Variants in MAGI1 observed in about 807,000 individuals in gnomAD.
The protein encoded by MAGI1 is membrane-associated guanylate kinase, WW and PDZ domain-containing protein 1.
In MAGI1, 58 loss-of-function variants were observed where a neutral mutation model predicts 139.9. The observed-to-expected ratio is 0.41, with a 90% CI of 0.34 to 0.52. The LOEUF (loss-of-function observed/expected upper bound fraction) is 0.52, where lower values mean the gene tolerates loss of function less well. MAGI1 is among the 20% of genes least tolerant of loss of function. The pLI, the probability that MAGI1 is intolerant of heterozygous loss-of-function variation, is 0.12. For synonymous variants in MAGI1, 812 were observed against 737.9 expected (o/e 1.10, Z -1.63); for missense variants, 1,874 against 1,901.6 (o/e 0.99, Z 0.27).
chr3:65,984,341 A>G (rs555502570), intron 1 of MAGI1, among the ~76,000 whole-genome samples: 1 of 152,262 alleles, frequency 6.6e-6, no homozygotes, highest in African/African-American at 2.4e-5. Flanking sequence ...GGTGGTTAGT[A>G]GAAAGATGCG....
intron 6 of MAGI1, among the ~76,000 whole-genome samples, chr3:65,451,954 T>C (rs1044714007): frequency 6.6e-6 from 1 of 152,128 alleles, no homozygotes. Flanking sequence ...CTGGCCAGTT[T>C]TGGAGCATTT....
intron 1 of MAGI1, among the ~76,000 whole-genome samples, chr3:65,878,453 T>A (rs1488198436): frequency 6.7e-6 from 1 of 150,324 alleles, no homozygotes; most frequent in African/African-American, 2.5e-5. Flanking sequence ...GAAGCAGAGG[T>A]TGCAGTGAGC....
intron 2 of MAGI1, chr3:65,549,600 G>T: frequency 2.4e-6 from 1 of 422,796 alleles, no homozygotes; most frequent in Non-Finnish European, 3.2e-6. Context: ...GTCAATGCGC[G>T]CTATTCACAC....
In MAGI1 at chr3:65,975,815, G is replaced by A. The variant is rs537783373; in HGVS notation, c.313+62181C>T. ...GACTCTCTCAAGCTCTTCTCTGACC[G>A]TATCAAGCCTGAGTATCCTTATTTT... On this transcript the variant is annotated intron_variant, in intron 1 of 22. Transcript: ENST00000402939. 3.9e-5 allele frequency among the ~76,000 whole-genome samples: 6 copies of A among 152,216 alleles called. No homozygotes were observed. The South Asian group carries it at 1.0e-3, about 26-fold the overall frequency.
At chr3:65,512,963 C>G (rs1206329272) in intron 2 of MAGI1, among the ~76,000 whole-genome samples, 34 of 136,774 alleles carry the variant, frequency 2.5e-4, no homozygotes, top group African/African-American at 9.3e-4. Flanking sequence ...CCACCATGAT[C>G]AAGTGGGCTT....
chr3:65,730,024 A>G (rs1296671424), intron 1 of MAGI1, among the ~76,000 whole-genome samples: 13 of 152,206 alleles, frequency 8.5e-5, no homozygotes, highest in Admixed American at 8.5e-4. Context: ...ACACATACCA[A>G]GAGTCTAATT....
At chr3:65,535,526 T>G (rs949185714) in intron 2 of MAGI1, among the ~76,000 whole-genome samples, 5 of 152,194 alleles carry the variant, frequency 3.3e-5, no homozygotes, top group Admixed American at 2.6e-4. Context: ...AAGGACTCAG[T>G]GAATTTCTGT....
At chr3:65,431,101 G>C (rs1228689080) in intron 10 of MAGI1, among the ~76,000 whole-genome samples, 1 of 152,066 alleles carries the variant, frequency 6.6e-6, no homozygotes, top group Admixed American at 6.6e-5. Context: ...TCAACTCCAG[G>C]GTCCAAAAGA....
chr3:65,464,872 T>C (rs969938216), intron 5 of MAGI1, among the ~76,000 whole-genome samples: 11 of 151,754 alleles, frequency 7.2e-5, no homozygotes, highest in African/African-American at 2.7e-4. Flanking sequence ...GTGGGTTACA[T>C]GAATATTTTA....
intron 12 of MAGI1, among the ~76,000 whole-genome samples, chr3:65,411,285 C>T (rs1280011666): frequency 6.6e-6 from 1 of 152,150 alleles, no homozygotes; most frequent in East Asian, 1.9e-4. Flanking sequence ...CCTTAACTAC[C>T]ATACCGACAA....
rs573283596 is a variant in MAGI1 at position 66,003,574 on chromosome 3, C to T, written c.313+34422G>A. ...CCAGGTTGAAGAGATTCTCCTGCCT[C>T]AGCCTCCTGAGTAGCTGGGATTACA... is the stretch of plus-strand genomic sequence containing the variant. On this transcript the variant is annotated intron_variant, in intron 1 of 22. Coordinates refer to ENST00000402939, the MANE Select transcript of MAGI1 (RefSeq NM_001033057.2). Among the ~76,000 whole-genome samples, 13 of 152,206 alleles carry T rather than the reference C, an allele frequency of 8.5e-5. No homozygotes were observed. In the East Asian group the frequency reaches 2.3e-3, roughly 27 times the overall value.
intron 1 of MAGI1, among the ~76,000 whole-genome samples, chr3:65,981,095 AG>A (rs1385242940): frequency 1.4e-5 from 2 of 146,658 alleles, no homozygotes; most frequent in Non-Finnish European, 3.0e-5. Context: ...CGGGAGGCGG[AG>A]GTTGCAGATC....
chr3:65,484,186 C>T (rs1003257111), intron 3 of MAGI1, among the ~76,000 whole-genome samples: 1 of 152,158 alleles, frequency 6.6e-6, no homozygotes, highest in African/African-American at 2.4e-5. Context: ...ATGGATCACA[C>T]TGTTTGTGTA....
At chr3:65,905,747 C>G (rs994149703) in intron 1 of MAGI1, among the ~76,000 whole-genome samples, 2 of 152,168 alleles carry the variant, frequency 1.3e-5, no homozygotes, top group Non-Finnish European at 2.9e-5. Context: ...TTAGAGTACA[C>G]TACTCAGAAG....
intron 1 of MAGI1, among the ~76,000 whole-genome samples, chr3:65,990,963 G>C (rs1378321489): frequency 6.6e-6 from 1 of 151,902 alleles, no homozygotes; most frequent in African/African-American, 2.4e-5. Flanking sequence ...CTCCAGCCTG[G>C]GTGATGGAGT....
At chr3:65,616,376 G>GC (rs1559723771) in intron 2 of MAGI1, among the ~76,000 whole-genome samples, 1 of 152,094 alleles carries the variant, frequency 6.6e-6, no homozygotes, top group Non-Finnish European at 1.5e-5. Flanking sequence ...TACATTATAC[G>GC]CAACAAACAT....
At chr3:65,764,667 C>T (rs2037323385) in intron 1 of MAGI1, among the ~76,000 whole-genome samples, 1 of 152,192 alleles carries the variant, frequency 6.6e-6, no homozygotes, top group Non-Finnish European at 1.5e-5. Context: ...CATCTACCAT[C>T]CACCATAAAT....
chr3:65,842,818 A>ACTG (rs1483607683), intron 1 of MAGI1, among the ~76,000 whole-genome samples: 1 of 152,216 alleles, frequency 6.6e-6, no homozygotes, highest in East Asian at 1.9e-4. Flanking sequence ...ATGGTGACCT[A>ACTG]CTGCTCTTTA....
chr3:65,962,145 C>T (rs1383398913), intron 1 of MAGI1, among the ~76,000 whole-genome samples: 1 of 130,268 alleles, frequency 7.7e-6, no homozygotes, highest in Non-Finnish European at 1.6e-5. Flanking sequence ...TTTTTTTTGA[C>T]GGAGTCTCTC....
Sources: allele counts gnomAD v4.1 joint callset (sites outside exome capture counted in the v4.1 genomes callset), GRCh38; gene constraint gnomAD v4.1.1; transcripts MANE v1.5; gene names NCBI Gene and HGNC (gene_info 2026-07-23, HGNC 2026-07-21).